PCSK1: variants seen among roughly 807,000 people sequenced by gnomAD.
The protein encoded by PCSK1 is proprotein convertase subtilisin/kexin type 1.
In PCSK1, 56 loss-of-function variants were observed where a neutral mutation model predicts 90.6. That is an observed-to-expected ratio of 0.62 (90% CI 0.50 to 0.77). PCSK1 has a LOEUF of 0.77. PCSK1 is among the 30% of genes least tolerant of loss of function. The pLI, the probability that PCSK1 is intolerant of heterozygous loss-of-function variation, is 0.00. For missense variants in PCSK1, 801 were observed against 932.6 expected, an observed-to-expected ratio of 0.86 and a Z score of 1.84; for synonymous variants, 348 against 342.4, an observed-to-expected ratio of 1.02 and a Z score of -0.18.
At chr5:96,425,036 G>GAAAGAAAGAAAA (rs1761253280) in intron 3 of PCSK1, among the ~76,000 whole-genome samples, 2 of 139,110 alleles carry the variant, frequency 1.4e-5, no homozygotes, top group Non-Finnish European at 3.1e-5. Flanking sequence ...AAGAAAGAAA[G>GAAAGAAAGAAAA]AAAGAAAGAA....
At chr5:96,430,282 G>A (rs1761451298) in intron 1 of PCSK1, among the ~76,000 whole-genome samples, 1 of 152,114 alleles carries the variant, frequency 6.6e-6, no homozygotes, top group African/African-American at 2.4e-5. Flanking sequence ...TAAATTTGAG[G>A]CTACCAAATC....
intron 9 of PCSK1, among the ~76,000 whole-genome samples, chr5:96,403,710 C>T (rs989621924): frequency 1.3e-5 from 2 of 152,130 alleles, no homozygotes; most frequent in African/African-American, 4.8e-5. Context: ...GACAAAATTC[C>T]AGAGTGAAAA....
In PCSK1 at chr5:96,408,341, G is replaced by C; in HGVS notation, c.1096-18C>G. ...GCGCTCGTCTGGATGACGTCAGGAA[G>C]GAGAGAAAGGCAGGGAGAACACGTG... On this transcript the variant is annotated intron_variant, in intron 8 of 13. Coordinates refer to ENST00000311106, the MANE Select transcript of PCSK1 (RefSeq NM_000439.5). 1 of 1,590,940 alleles carries C rather than the reference G, an allele frequency of 6.3e-7. No homozygotes were observed. The highest frequency in any genetic ancestry group is 8.6e-7 in the Non-Finnish European group (1 of 1,159,440).
intron 11 of PCSK1, among the ~76,000 whole-genome samples, 167 bp downstream of exon 11, chr5:96,398,712 C>A (rs1760249343): frequency 6.6e-6 from 1 of 151,878 alleles, no homozygotes; most frequent in Non-Finnish European, 1.5e-5. Flanking sequence ...ATGGGCAGGG[C>A]AGAGGGAGAT....
chr5:96,407,977 G>C (rs763706578), intron 9 of PCSK1, among the ~76,000 whole-genome samples: 10 of 152,116 alleles, frequency 6.6e-5, no homozygotes, highest in Admixed American at 3.3e-4. Context: ...ATTGTAGAAT[G>C]GGTTTTAAAA....
rs1759989504 is a variant in PCSK1 at position 96,392,785 on chromosome 5, G to T, written c.*216C>A. 3 of 604,888 alleles carry T rather than the reference G, an allele frequency of 5.0e-6. No homozygotes were observed. The East Asian group carries it at 8.5e-5, about 17-fold the overall frequency. 37.5% of individuals were successfully genotyped at this position (604,888 alleles called of 1,614,324 possible). ...ACACTTCACTTGTGCAGACAGGAAA[G>T]ATGTGTTTTGAAATACCTATGATCA... is the stretch of plus-strand genomic sequence containing the variant. On this transcript the variant is annotated 3_prime_UTR_variant, in exon 14 of 14. Coordinates refer to ENST00000311106, the MANE Select transcript of PCSK1 (RefSeq NM_000439.5).
At chr5:96,429,699 A>G (rs762244767) in intron 1 of PCSK1, among the ~76,000 whole-genome samples, 1 of 152,164 alleles carries the variant, frequency 6.6e-6, no homozygotes, top group Non-Finnish European at 1.5e-5. Flanking sequence ...GAGTGAGAAC[A>G]TGCGGTATTC....
chr5:96,409,414 C>CG (rs1760680761), intron 8 of PCSK1, among the ~76,000 whole-genome samples: 1 of 152,130 alleles, frequency 6.6e-6, no homozygotes, highest in African/African-American at 2.4e-5. Flanking sequence ...TACCTGTTGA[C>CG]GCAAGCAAGC....
intron 8 of PCSK1, among the ~76,000 whole-genome samples, chr5:96,410,346 C>T (rs989110901): frequency 5.3e-5 from 8 of 151,136 alleles, no homozygotes; most frequent in Middle Eastern, 3.2e-3. Flanking sequence ...CTGGTGTAGA[C>T]TCTGTATTTT....
chr5:96,399,349 C>T (rs1760272945), intron 10 of PCSK1, among the ~76,000 whole-genome samples: 1 of 152,162 alleles, frequency 6.6e-6, no homozygotes, highest in African/African-American at 2.4e-5. Flanking sequence ...AGGCATGCCC[C>T]AAGCCTCCCA....
At chr5:96,403,286 T>G (rs1340133374) in intron 9 of PCSK1, among the ~76,000 whole-genome samples, 1 of 152,158 alleles carries the variant, frequency 6.6e-6, no homozygotes, top group Non-Finnish European at 1.5e-5. Flanking sequence ...TTATTATACT[T>G]TAAGTTCTAG....
intron 12 of PCSK1, 37 bp downstream of exon 12, chr5:96,397,299 T>A (rs1258859275): frequency 1.3e-6 from 2 of 1,595,398 alleles, no homozygotes; most frequent in Non-Finnish European, 8.6e-7. Context: ...TGTTTAAAAG[T>A]AAGCTTGTGT....
intron 6 of PCSK1, among the ~76,000 whole-genome samples, chr5:96,413,883 G>A (rs1297448812): frequency 2.0e-5 from 3 of 148,916 alleles, no homozygotes; most frequent in African/African-American, 7.5e-5. Flanking sequence ...ACTTTGGGAG[G>A]CCGAGGCGGG....
At chr5:96,411,014 T>C in intron 7 of PCSK1, 28 bp from the exon 8 acceptor site, 2 of 1,472,350 alleles carry the variant, frequency 1.4e-6, no homozygotes, top group Non-Finnish European at 1.9e-6. Context: ...ATGCATATTA[T>C]CTGTTATCAT....
At chr5:96,420,535 G>A (rs1301012963) in intron 5 of PCSK1, among the ~76,000 whole-genome samples, 1 of 152,134 alleles carries the variant, frequency 6.6e-6, no homozygotes, top group African/African-American at 2.4e-5. Context: ...ACGGAAAGAA[G>A]TCATATCCCT....
At chr5:96,415,667 G>C (rs1289839007) in intron 6 of PCSK1, among the ~76,000 whole-genome samples, 1 of 152,088 alleles carries the variant, frequency 6.6e-6, no homozygotes, top group Non-Finnish European at 1.5e-5. Context: ...AACTTCTACA[G>C]AATTGAGAGG....
chr5:96,400,169 C>A lies in PCSK1; in HGVS notation c.1214G>T (p.Arg405Leu). The A allele has an allele frequency of 6.2e-7, 1 of 1,613,930 alleles. No homozygotes were observed. The highest frequency in any genetic ancestry group is 8.5e-7 in the Non-Finnish European group (1 of 1,179,824). ...CCAGACAACCAGGTGCTGCATATCTCGCCAGGTGAGATTTGGGCTGGAGGG... is the reference window on the plus strand; with the variant it reads ...CCAGACAACCAGGTGCTGCATATCTAGCCAGGTGAGATTTGGGCTGGAGGG... ...ALEANPNLTW[R>L]DMQHLVVWTS... The change falls in exon 10 of 14, where the codon CGA becomes CTA. Residue 405 changes from arginine to leucine, a missense_variant. Coordinates refer to ENST00000311106, the MANE Select transcript of PCSK1 (RefSeq NM_000439.5).
intron 5 of PCSK1, among the ~76,000 whole-genome samples, chr5:96,417,745 T>C (rs1018407892): frequency 6.6e-6 from 1 of 152,226 alleles, no homozygotes. Flanking sequence ...GAGTTAGGAT[T>C]CTTTCATTTG....
At position 96,392,964 on chromosome 5, in the gene PCSK1, A is replaced by C. The variant is rs1440469687; in HGVS notation, c.*37T>G. 1 of 1,609,566 alleles carries C rather than the reference A, an allele frequency of 6.2e-7. No individual in the cohort carries two copies. The highest frequency in any genetic ancestry group is 1.7e-5 in the Admixed American group (1 of 60,020). On this transcript the variant is annotated 3_prime_UTR_variant, in exon 14 of 14. Transcript: ENST00000311106. ...AGGCAAAATCGCAGGGTAAGGAAGA[A>C]GCATGAATATTTCCAACTTGGGACC...
Sources: allele counts gnomAD v4.1 joint callset (sites outside exome capture counted in the v4.1 genomes callset), GRCh38; gene constraint gnomAD v4.1.1; transcripts MANE v1.5; gene names NCBI Gene and HGNC (gene_info 2026-07-23, HGNC 2026-07-21).